Variants in SHROOM2 observed in about 807,000 individuals in gnomAD.
SHROOM2 encodes the protein protein Shroom2.
SHROOM2 carries 33 observed loss-of-function variants against 75.9 expected under a neutral mutation model. That is an observed-to-expected ratio of 0.43 (90% CI 0.33 to 0.58). The LOEUF (loss-of-function observed/expected upper bound fraction) is 0.58. Among genes scored for constraint, SHROOM2 ranks in the 20% least tolerant of loss-of-function variants. SHROOM2 has a pLI of 0.04. For missense variants in SHROOM2, 1,434 were observed against 1,461.2 expected (o/e 0.98, Z 0.30); for synonymous variants, 655 against 663.6 (o/e 0.99, Z 0.20).
Position 9,895,899 on chromosome X carries a change from G to A in SHROOM2, c.1991G>A (p.Arg664Lys). The A allele has an allele frequency of 8.4e-7, 1 of 1,197,435 alleles. No individual in the cohort carries two copies. The highest frequency in any genetic ancestry group is 3.0e-5 in the East Asian group (1 of 33,511). Residue 664 changes from arginine to lysine, a missense_variant, in exon 4 of 10, where the codon AGG becomes AAG. Physicochemically the swap from Arg to Lys is conservative, Grantham distance 26 (BLOSUM62 2). Around this residue, in one of 3 missense-constraint regions of SHROOM2, gnomAD observed 1,340 missense variants for 1,338.3 expected, o/e 1.00. Coordinates refer to ENST00000380913, the MANE Select transcript of SHROOM2 (RefSeq NM_001649.4). The stretch of plus-strand genomic sequence containing the variant: ...GCGGAGGATGGCACCGGCCGCTGGA[G>A]GGCCGGGTTGGGAGGTGGCACCCAG... ...GEAEDGTGRWRAGLGGGTQEG... is the reference protein window; with the variant it reads ...GEAEDGTGRWKAGLGGGTQEG...
At position 9,932,855 on chromosome X, in the gene SHROOM2, A is replaced by T; in HGVS notation, c.3572A>T (p.Asp1191Val). 3.4e-6 allele frequency: 4 copies of T among 1,192,865 alleles called. No homozygotes were observed. The highest frequency in any genetic ancestry group is 4.5e-6 in the Non-Finnish European group (4 of 888,800). The change falls in exon 6 of 10, where the codon GAT becomes GTT. Residue 1191 changes from aspartate (D) to valine (V), a missense_variant. This residue lies in a region of SHROOM2 where 1,340 missense variants were observed against 1,338.3 expected (regional missense o/e 1.00). Transcript: ENST00000380913. ...GACAAACCTCCCCTGCTCATCCAGGATGAGGATTCAACCAGGTACTGTCCT... is the reference window on the plus strand; with the variant it reads ...GACAAACCTCCCCTGCTCATCCAGGTTGAGGATTCAACCAGGTACTGTCCT... The part of the protein sequence containing the change: ...LTDKPPLLIQ[D>V]EDSTRIERVM...
chrX:9,831,861 T>C (rs1441412714), intron 1 of SHROOM2, among the ~76,000 whole-genome samples: 2 of 110,449 alleles, frequency 1.8e-5, no homozygotes, highest in Non-Finnish European at 3.8e-5. Context: ...ATCCCATTCA[T>C]GAGGCTCCAC....
chrX:9,807,913 G>A (rs1374084228), intron 1 of SHROOM2, among the ~76,000 whole-genome samples: 1 of 111,330 alleles, frequency 9.0e-6, no homozygotes, highest in Non-Finnish European at 1.9e-5. Flanking sequence ...TCAGAGAGGG[G>A]CGTGGTTCAG....
At chrX:9,856,825 C>A (rs1389972634) in intron 1 of SHROOM2, among the ~76,000 whole-genome samples, 1 of 112,162 alleles carries the variant, frequency 8.9e-6, no homozygotes, top group African/African-American at 3.2e-5. Flanking sequence ...GACATTTCTG[C>A]CCCTTTGATT....
intron 1 of SHROOM2, among the ~76,000 whole-genome samples, chrX:9,837,047 C>T (rs2083950149): frequency 8.9e-6 from 1 of 112,560 alleles, no homozygotes; most frequent in Non-Finnish European, 1.9e-5. Context: ...GGTATCGGTA[C>T]TCCATTCCCT....
At chrX:9,852,404 C>A (rs894243785) in intron 1 of SHROOM2, among the ~76,000 whole-genome samples, 1 of 112,551 alleles carries the variant, frequency 8.9e-6, no homozygotes, top group African/African-American at 3.2e-5. Context: ...TAGTCTAGCT[C>A]CTTGCTGGCT....
At chrX:9,889,320 C>G (rs753888762) in intron 2 of SHROOM2, among the ~76,000 whole-genome samples, 42 of 112,455 alleles carry the variant, frequency 3.7e-4, no homozygotes, top group Non-Finnish European at 6.8e-4. Context: ...GTAAAATGTT[C>G]TTTATTGCAT....
chrX:9,944,904 C>T lies in SHROOM2; in HGVS notation c.4575C>T (p.Pro1525=), dbSNP rs778069506. ...ATAATTTGGACGACGGCGCTTCTCC[C>T]GGTGATCGGGTAAATGCAGATACGT... ...ALNNLDDGAS[P]GDRQSLLEKQ... The change falls in exon 9 of 10, where the codon CCC becomes CCT. Residue 1525 remains proline, a synonymous_variant. Transcript: ENST00000380913. 121 of 1,198,691 alleles carry T rather than the reference C, an allele frequency of 1.0e-4. No individual in the cohort carries two copies. The highest frequency in any genetic ancestry group is 5.0e-4 in the Admixed American group (22 of 44,366).
intron 1 of SHROOM2, among the ~76,000 whole-genome samples, chrX:9,828,098 T>TA (rs1403398889): frequency 8.9e-6 from 1 of 112,639 alleles, no homozygotes; most frequent in Non-Finnish European, 1.9e-5. Context: ...TCAGGAAACT[T>TA]ACGATCATGG....
intron 6 of SHROOM2, among the ~76,000 whole-genome samples, chrX:9,936,698 G>A (rs17321197): frequency 0.15 from 17,235 of 111,408 alleles, 1,082 homozygotes; most frequent in Middle Eastern, 0.23. Flanking sequence ...GAACCCGCGG[G>A]CCTGCACCAA....
chrX:9,936,826 T>C (rs917950117), intron 6 of SHROOM2, among the ~76,000 whole-genome samples: 2 of 111,931 alleles, frequency 1.8e-5, no homozygotes, highest in Non-Finnish European at 3.8e-5. Context: ...GAATGACAAA[T>C]GGTATTAAAT....
intron 7 of SHROOM2, among the ~76,000 whole-genome samples, chrX:9,938,231 A>AT (rs1394314666): frequency 1.8e-5 from 2 of 111,976 alleles, no homozygotes; most frequent in African/African-American, 3.2e-5. Flanking sequence ...TTTATTTGAA[A>AT]TTTTTTTACA....
At chrX:9,884,677 TAAA>T (rs34693829) in intron 2 of SHROOM2, among the ~76,000 whole-genome samples, 15,232 of 86,418 alleles carry the variant, frequency 0.18, 1,177 homozygotes, top group East Asian at 0.38. Context: ...CCCTGTCCTT[TAAA>T]AAAAAAAAAA....
At chrX:9,936,994 C>T in intron 6 of SHROOM2, 140 bp from the exon 7 acceptor site, 1 of 577,428 alleles carries the variant, frequency 1.7e-6, no homozygotes, top group South Asian at 3.1e-5. Context: ...GATGTGGGAT[C>T]ATGGAGGCTC....
intron 5 of SHROOM2, among the ~76,000 whole-genome samples, chrX:9,905,047 G>T (rs756405637): frequency 8.9e-6 from 1 of 112,036 alleles, no homozygotes; most frequent in South Asian, 3.7e-4. Context: ...TGTAGAGAAG[G>T]CCTTGCCATG....
In SHROOM2 at chrX:9,895,829, C is replaced by G; in HGVS notation, c.1921C>G (p.Leu641Val). Residue 641 changes from leucine to valine, a missense_variant, in exon 4 of 10, where the codon CTG becomes GTG. Leu to Val is a conservative substitution (Grantham distance 32). This residue lies in a region of SHROOM2 where 1,340 missense variants were observed against 1,338.3 expected (regional missense o/e 1.00). Coordinates refer to ENST00000380913, the MANE Select transcript of SHROOM2 (RefSeq NM_001649.4). ...TGAGATCCAGATGCATAGAGCCAAGCTGCAGAAGAGCCGGAGCACAGTGGC... is the reference window on the plus strand; with the variant it reads ...TGAGATCCAGATGCATAGAGCCAAGGTGCAGAAGAGCCGGAGCACAGTGGC... The part of the protein sequence containing the change: ...RNEIQMHRAK[L>V]QKSRSTVALT... The G allele has an allele frequency of 8.3e-7, 1 of 1,204,307 alleles. No homozygotes were observed.
At chrX:9,933,525 C>T (rs377231692) in intron 6 of SHROOM2, among the ~76,000 whole-genome samples, 7 of 111,956 alleles carry the variant, frequency 6.3e-5, no homozygotes, top group African/African-American at 2.3e-4. Flanking sequence ...AATCCCAGCA[C>T]GTCGAGAGTT....
intron 5 of SHROOM2, among the ~76,000 whole-genome samples, chrX:9,929,462 A>G (rs1488100314): frequency 9.0e-6 from 1 of 110,852 alleles, no homozygotes; most frequent in Non-Finnish European, 1.9e-5. Flanking sequence ...GGAAGATGGG[A>G]AGGAGCCTGT....
intron 5 of SHROOM2, chrX:9,913,246 C>G (rs763067473): frequency 1.8e-5 from 2 of 112,232 alleles, no homozygotes; most frequent in African/African-American, 6.5e-5. Context: ...GCTACATCCT[C>G]AAGAAAAAAA....
Sources: allele counts gnomAD v4.1 joint callset (sites outside exome capture counted in the v4.1 genomes callset), GRCh38; gene constraint gnomAD v4.1.1; regional missense constraint gnomAD v4.1.1; transcripts MANE v1.5; gene names NCBI Gene and HGNC (gene_info 2026-07-23, HGNC 2026-07-21).